Variants in WASF2 observed in about 807,000 individuals in gnomAD.
WASF2 encodes actin-binding protein WASF2.
A neutral mutation model predicts 45.0 loss-of-function variants in WASF2; 14 were observed. The ratio of observed to expected loss-of-function variants is 0.31; its 90% CI spans 0.21 to 0.49. WASF2 has a LOEUF of 0.49. WASF2 is among the 20% of genes least tolerant of loss of function. The probability of loss-of-function intolerance (pLI) is 0.99; values close to 1 mark genes in which losing one functional copy is unlikely to be tolerated. For missense variants in WASF2, 439 were observed against 636.1 expected, an observed-to-expected ratio of 0.69 and a Z score of 3.33; for synonymous variants, 200 against 236.3, an observed-to-expected ratio of 0.85 and a Z score of 1.41.
chr1:27,420,729 G>A (rs533851987), intron 2 of WASF2, among the ~76,000 whole-genome samples: 2 of 151,544 alleles, frequency 1.3e-5, no homozygotes, highest in African/African-American at 4.8e-5. Flanking sequence ...CATCATGTTG[G>A]CCAGGCTGGT....
chr1:27,457,721 A>G (rs1020944628), intron 1 of WASF2, among the ~76,000 whole-genome samples: 7 of 151,806 alleles, frequency 4.6e-5, no homozygotes, highest in African/African-American at 1.7e-4. Context: ...CCTGGGCTCA[A>G]GTGACCCTCT....
chr1:27,462,896 G>A (rs531161697), intron 1 of WASF2, among the ~76,000 whole-genome samples: 3 of 151,860 alleles, frequency 2.0e-5, no homozygotes, highest in South Asian at 4.2e-4. Flanking sequence ...CTAGACTCAC[G>A]GCAACCTTCG....
At chr1:27,442,531 A>G (rs1184599500) in intron 1 of WASF2, among the ~76,000 whole-genome samples, 1 of 151,974 alleles carries the variant, frequency 6.6e-6, no homozygotes, top group Admixed American at 6.6e-5. Flanking sequence ...AGACAGAGCG[A>G]GACTCCATCT....
intron 3 of WASF2, 80 bp from the exon 4 acceptor site, chr1:27,418,502 T>G: frequency 6.3e-7 from 1 of 1,583,468 alleles, no homozygotes; most frequent in Non-Finnish European, 8.6e-7. Flanking sequence ...CGGAGAGGCC[T>G]CAGCTGCTGC....
intron 1 of WASF2, among the ~76,000 whole-genome samples, chr1:27,454,183 ATATATT>A (rs1447067400): frequency 0.021 from 180 of 8,410 alleles, no homozygotes; most frequent in African/African-American, 0.051. Context: ...ATATATATAT[ATATATT>A]TTTTTTTTTT....
intron 1 of WASF2, among the ~76,000 whole-genome samples, chr1:27,449,033 C>G (rs1333801320): frequency 6.6e-6 from 1 of 152,130 alleles, no homozygotes; most frequent in African/African-American, 2.4e-5. Flanking sequence ...ACAACCCCCA[C>G]CAGCCTATAA....
intron 1 of WASF2, among the ~76,000 whole-genome samples, chr1:27,456,465 A>G (rs1177978481): frequency 6.6e-6 from 1 of 152,170 alleles, no homozygotes; most frequent in African/African-American, 2.4e-5. Context: ...TCCCCTTAGT[A>G]GAGGTCCATA....
intron 1 of WASF2, among the ~76,000 whole-genome samples, chr1:27,489,674 A>G (rs971051428): frequency 9.2e-5 from 14 of 152,174 alleles, no homozygotes; most frequent in Admixed American, 9.2e-4. Context: ...TAAGGCCTAG[A>G]GAGGAAAGTG....
At chr1:27,413,797 G>A (rs1450179548) in intron 6 of WASF2, among the ~76,000 whole-genome samples, 2 of 152,210 alleles carry the variant, frequency 1.3e-5, no homozygotes, top group Non-Finnish European at 2.9e-5. Flanking sequence ...TGTCTGAACA[G>A]GATTGGTCCG....
chr1:27,471,344 CAAAAAA>C (rs35393807), intron 1 of WASF2, among the ~76,000 whole-genome samples: 2 of 53,166 alleles, frequency 3.8e-5, no homozygotes, highest in Non-Finnish European at 8.0e-5. Context: ...GACTCTGTCT[CAAAAAA>C]AAAAAAAAAA....
chr1:27,475,540 T>TA (rs1270794871), intron 1 of WASF2, among the ~76,000 whole-genome samples: 2 of 152,214 alleles, frequency 1.3e-5, no homozygotes, highest in African/African-American at 4.8e-5. Context: ...TGACCATCCT[T>TA]ATCTAAGTTC....
Position 27,409,899 on chromosome 1 carries a change from G to C in WASF2, c.1132C>G (p.Leu378Val), listed in dbSNP as rs1363006072. The change falls in exon 8 of 9, where the codon CTG becomes GTG. Residue 378 changes from leucine to valine, a missense_variant. Leu to Val is a conservative substitution (Grantham distance 32). Coordinates refer to ENST00000618852, the MANE Select transcript of WASF2 (RefSeq NM_006990.5). ...GGCTGGGACAAGGGAGGTGGTGGCAGAGTTGGGTAGTCAGCTGCTGGTGGT... is the reference window on the plus strand; with the variant it reads ...GGCTGGGACAAGGGAGGTGGTGGCACAGTTGGGTAGTCAGCTGCTGGTGGT... ...PPPPAADYPT[L>V]PPPPLSQPTG... 3 of 1,583,100 alleles carry C rather than the reference G, an allele frequency of 1.9e-6. No individual in the cohort carries two copies. The African/African-American group carries it at 4.0e-5, about 21-fold the overall frequency.
chr1:27,409,370 A>G (rs1350212716), intron 8 of WASF2, among the ~76,000 whole-genome samples: 3 of 137,310 alleles, frequency 2.2e-5, no homozygotes, highest in Non-Finnish European at 4.6e-5. Flanking sequence ...GCTTGCAGTG[A>G]GCCGAGATCG....
At chr1:27,427,947 C>G (rs1422035411) in intron 2 of WASF2, among the ~76,000 whole-genome samples, 2 of 152,048 alleles carry the variant, frequency 1.3e-5, no homozygotes, top group Non-Finnish European at 2.9e-5. Context: ...TTCAAGCAAA[C>G]AAAGTCAACT....
Position 27,404,322 on chromosome 1 carries a change from G to C in WASF2, c.*3867C>G, listed in dbSNP as rs1197002743. Reference sequence around the variant, plus strand: ...TTACATGGAACCTTCAGGTCAGTGGGGCACAAATGTGGTATACACACGATG... The same window carrying C: ...TTACATGGAACCTTCAGGTCAGTGGCGCACAAATGTGGTATACACACGATG... On this transcript the variant is annotated 3_prime_UTR_variant, in exon 9 of 9. Transcript: ENST00000618852. The C allele has an allele frequency of 6.6e-6, 1 of 152,210 alleles. No homozygotes were observed. Among genetic ancestry groups the C allele is most frequent in the Non-Finnish European group, 1.5e-5 (1 of 68,040 alleles). The allele number at this position is 152,210 out of a possible 1,614,324, so 9.4% of individuals were successfully genotyped here. A position where few individuals can be genotyped will look rare whatever the true frequency, so the allele number is the denominator to read the frequency against.
chr1:27,487,086 T>C (rs2017939297), intron 1 of WASF2, among the ~76,000 whole-genome samples: 1 of 147,286 alleles, frequency 6.8e-6, no homozygotes, highest in African/African-American at 2.5e-5. Flanking sequence ...AGATTATATA[T>C]ATAATATAAT....
At chr1:27,480,967 G>A (rs1200782531) in intron 1 of WASF2, among the ~76,000 whole-genome samples, 1 of 151,818 alleles carries the variant, frequency 6.6e-6, no homozygotes, top group African/African-American at 2.4e-5. Context: ...GAACCTGGGA[G>A]GCAGAGCTTG....
intron 1 of WASF2, among the ~76,000 whole-genome samples, chr1:27,473,700 C>T (rs780774725): frequency 2.0e-5 from 3 of 152,098 alleles, no homozygotes; most frequent in African/African-American, 7.2e-5. Flanking sequence ...AAAAACATCA[C>T]CAAACTTCTA....
At position 27,409,716 on chromosome 1, in the gene WASF2, C is replaced by T. The variant is rs775041444; in HGVS notation, c.1315G>A (p.Asp439Asn). ...CCTTGACGGATGGCTGAAAGCAGGT[C>T]GCTACGGGCATCGCTCACGGCAGGC... is the stretch of plus-strand genomic sequence containing the variant. ...SLPAVSDARSDLLSAIRQGFQ... is the reference protein window; with the variant it reads ...SLPAVSDARSNLLSAIRQGFQ... The change falls in exon 8 of 9, where the codon GAC (aspartate) becomes AAC (asparagine). Residue 439 changes from aspartate to asparagine, a missense_variant. Physicochemically the swap from Asp to Asn is conservative, Grantham distance 23 (BLOSUM62 1). Coordinates refer to ENST00000618852, the MANE Select transcript of WASF2 (RefSeq NM_006990.5). The T allele has an allele frequency of 4.1e-5, 61 of 1,503,772 alleles. No homozygotes were observed. The highest frequency in any genetic ancestry group is 5.3e-5 in the Non-Finnish European group (60 of 1,126,468). The allele number at this position is 1,503,772 out of a possible 1,614,324, so 93.2% of individuals were successfully genotyped here.
Sources: gnomAD v4.1 joint callset for allele counts (sites outside exome capture counted in the v4.1 genomes callset) on GRCh38, gnomAD v4.1.1 for gene constraint, MANE v1.5 for transcripts, NCBI Gene and HGNC (gene_info 2026-07-23, HGNC 2026-07-21) for gene names.